Variants in ZNF534 observed in about 807,000 individuals in gnomAD.
The protein encoded by ZNF534 is KRAB domain only 3.
ZNF534 carries 19 observed loss-of-function variants against 13.6 expected under a neutral mutation model. The observed-to-expected ratio is 1.40, with a 90% CI of 0.97 to 2.05. The LOEUF is 2.05. ZNF534 is among the 30% of genes most tolerant of loss of function. The probability of loss-of-function intolerance (pLI) is 0.00; values close to 1 mark genes in which losing one functional copy is unlikely to be tolerated. For missense variants in ZNF534, 782 were observed against 796.3 expected, an observed-to-expected ratio of 0.98 and a Z score of 0.22; for synonymous variants, 244 against 273.8, an observed-to-expected ratio of 0.89 and a Z score of 1.07.
chr19:52,448,876 C>G (rs2059203167), intron 4 of ZNF534, among the ~76,000 whole-genome samples: 1 of 152,192 alleles, frequency 6.6e-6, no homozygotes, highest in Non-Finnish European at 1.5e-5. Context: ...GACCTTTCAA[C>G]TCTTCTAGCT....
rs1568444123 is a variant in ZNF534, at chr19:52,437,640, G to A, written c.272-92G>A. On this transcript the variant is annotated intron_variant, in intron 4 of 4. Coordinates refer to ENST00000433050, the MANE Select transcript of ZNF534 (RefSeq NM_001143938.3). ...AACAAAGTATGCTGATAATTTCAAT[G>A]TCTGAGTGAAGTGATGCAGAATCTT... 8.0e-6 allele frequency: 10 copies of A among 1,249,492 alleles called. No individual in the cohort carries two copies. In the East Asian group the frequency reaches 2.0e-4, roughly 25 times the overall value. 77.4% of individuals were successfully genotyped at this position (1,249,492 alleles called of 1,614,324 possible). A position where few individuals can be genotyped will look rare whatever the true frequency, so the allele number is the denominator to read the frequency against.
Position 52,433,673 on chromosome 19 carries a change from C to G in ZNF534, c.16-282C>G, listed in dbSNP as rs905770340. ...GAGCCGCCGTGCCCGGCAGTAATAC[C>G]TAACATTTCTATACAGATAACCCTG... On this transcript the variant is annotated intron_variant, in intron 2 of 4. Transcript: ENST00000433050. Among the ~76,000 whole-genome samples, 3 of 152,198 alleles carry G rather than the reference C, an allele frequency of 2.0e-5. 1 individual carries two copies. The East Asian group carries it at 5.8e-4, about 29-fold the overall frequency.
rs750191434 is a variant in ZNF534 at position 52,438,776 on chromosome 19, A to G, written c.1316A>G (p.Glu439Gly). 3.1e-6 allele frequency: 5 copies of G among 1,607,390 alleles called. No homozygotes were observed. In the African/African-American group the frequency reaches 6.7e-5, roughly 22 times the overall value. Residue 439 changes from glutamate (E) to glycine (G), a missense_variant, in exon 5 of 5, where the codon GAA (glutamate) becomes GGA (glycine). Physicochemically the swap from Glu to Gly is moderately conservative, Grantham distance 98. This residue lies in a region of ZNF534 where 591 missense variants were observed against 574.0 expected (regional missense o/e 1.03). Coordinates refer to ENST00000433050, the MANE Select transcript of ZNF534 (RefSeq NM_001143938.3). ...ATCCATACTGGAGAGAAACCTTACG[A>G]ATGTATAGACTGTGGCAAGGTCTTC... ...LLIHTGEKPY[E>G]CIDCGKVFRH...
At chr19:52,432,747 C>G (rs984830626) in intron 2 of ZNF534, among the ~76,000 whole-genome samples, 7 of 152,070 alleles carry the variant, frequency 4.6e-5, no homozygotes, top group Non-Finnish European at 1.0e-4. Flanking sequence ...ATTCTCCTGC[C>G]TCAGCCTCCT....
intron 2 of ZNF534, among the ~76,000 whole-genome samples, chr19:52,433,446 A>T (rs2059104126): frequency 6.6e-6 from 1 of 151,884 alleles, no homozygotes; most frequent in Non-Finnish European, 1.5e-5. Flanking sequence ...AGCTCACTGC[A>T]ATGTCCCACT....
At chr19:52,430,960 C>T (rs2059083342) in intron 1 of ZNF534, among the ~76,000 whole-genome samples, 1 of 152,098 alleles carries the variant, frequency 6.6e-6, no homozygotes, top group Non-Finnish European at 1.5e-5. Flanking sequence ...AAGGGATTCT[C>T]CTGCCTCAGC....
exon 5 of ZNF534, chr19:52,452,036 T>A: frequency 4.7e-6 from 1 of 212,264 alleles, no homozygotes. Context: ...TACACTTCTG[T>A]AAACTTACTA....
chr19:52,433,257 A>AAAAAAAAAAAAC (rs2059101592), intron 2 of ZNF534, among the ~76,000 whole-genome samples: 1 of 151,126 alleles, frequency 6.6e-6, no homozygotes, highest in African/African-American at 2.4e-5. Context: ...AAAAAAAAAA[A>AAAAAAAAAAAAC]AAAGAAAGAA....
chr19:52,438,490 C>T lies in ZNF534; in HGVS notation c.1030C>T (p.His344Tyr), dbSNP rs2059145443. The change falls in exon 5 of 5, where the codon CAT (histidine) becomes TAT (tyrosine). Residue 344 changes from histidine to tyrosine, a missense_variant. Physicochemically the swap from His to Tyr is moderately conservative, Grantham distance 83 (BLOSUM62 2). Coordinates refer to ENST00000433050, the MANE Select transcript of ZNF534 (RefSeq NM_001143938.3). ...CAGGCATAAGTCTTCCCTAACCACT[C>T]ATCAGACAGTTCATACTGGAGAGAG... ...VFRHKSSLTT[H>Y]QTVHTGERPY... The T allele has an allele frequency of 6.3e-7, 1 of 1,594,504 alleles. No homozygotes were observed. The highest frequency in any genetic ancestry group is 8.5e-7 in the Non-Finnish European group (1 of 1,169,788).
intron 3 of ZNF534, among the ~76,000 whole-genome samples, chr19:52,434,423 C>T (rs999511637): frequency 2.1e-5 from 3 of 144,336 alleles, no homozygotes; most frequent in African/African-American, 5.3e-5. Flanking sequence ...CAAGATCGCA[C>T]CACTGCACTC....
chr19:52,433,627 A>G (rs1034212439), intron 2 of ZNF534, among the ~76,000 whole-genome samples: 2 of 152,230 alleles, frequency 1.3e-5, no homozygotes, highest in Non-Finnish European at 2.9e-5. Flanking sequence ...TGGCCTCCCA[A>G]AATGCTGGGA....
At chr19:52,448,181 C>G (rs534481724) in intron 4 of ZNF534, among the ~76,000 whole-genome samples, 1 of 151,860 alleles carries the variant, frequency 6.6e-6, no homozygotes, top group Non-Finnish European at 1.5e-5. Context: ...TTTGGAAGGC[C>G]GAGGTGGGCT....
At chr19:52,451,445 C>T (rs1460192703) in exon 5 of ZNF534, 4 of 619,066 alleles carry the variant, frequency 6.5e-6, no homozygotes, top group East Asian at 6.0e-5. Flanking sequence ...GCGCCGCACG[C>T]CCCGGACGCT....
Position 52,442,178 on chromosome 19 carries a change from C to T in ZNF534, c.*2732C>T, listed in dbSNP as rs1258754111. ...TCCTAAAAGTGTTGGGAACAGGCCA[C>T]CAAAACTGGCCATAAACAAAATCTC... is the stretch of plus-strand genomic sequence containing the variant. On this transcript the variant is annotated 3_prime_UTR_variant, in exon 5 of 5. Transcript: ENST00000433050. 1.3e-5 allele frequency among the ~76,000 whole-genome samples: 2 copies of T among 152,170 alleles called. No individual in the cohort carries two copies. The highest frequency in any genetic ancestry group is 2.9e-5 in the Non-Finnish European group (2 of 68,026).
In ZNF534 at chr19:52,434,039, AG is replaced by A. The variant is rs1356600066; in HGVS notation, c.103del (p.Asp35ThrfsTer2). 6.2e-7 allele frequency: 1 copy of A among 1,614,036 alleles called. No individual in the cohort carries two copies. On this transcript the variant is annotated frameshift_variant, in exon 3 of 5. Transcript: ENST00000433050. LOFTEE classifies it high-confidence loss of function. ...GGACCCTGGGCAGAAAGCTTTATACAGGGACGTGATGTTAGAGAACTACAGG... is the reference window on the plus strand; with the variant it reads ...GGACCCTGGGCAGAAAGCTTTATACAGGACGTGATGTTAGAGAACTACAGG... The part of the protein sequence containing the change: ...CLDPGQKALY[R>X]DVMLENYRNL...
intron 4 of ZNF534, among the ~76,000 whole-genome samples, chr19:52,449,460 A>G (rs907167400): frequency 1.2e-4 from 19 of 152,128 alleles, no homozygotes; most frequent in African/African-American, 4.6e-4. Flanking sequence ...ACTATTTTCC[A>G]TAATGGCTAT....
At chr19:52,432,884 C>G (rs1052692463) in intron 2 of ZNF534, among the ~76,000 whole-genome samples, 2 of 152,034 alleles carry the variant, frequency 1.3e-5, no homozygotes, top group African/African-American at 2.4e-5. Context: ...CCTGCCTCGG[C>G]CTCCCAAAGT....
rs1449753062 is a variant in ZNF534, at chr19:52,438,800, TCAGG to T, written c.1343_1346del (p.Arg448ThrfsTer5). 1 of 1,610,452 alleles carries T rather than the reference TCAGG, an allele frequency of 6.2e-7. No homozygotes were observed. The highest frequency in any genetic ancestry group is 1.1e-5 in the South Asian group (1 of 90,578). ...GAATGTATAGACTGTGGCAAGGTCT[TCAGG>T]CACAAGTCTTCCCTAACCTATCACT... On this transcript the variant is annotated frameshift_variant, in exon 5 of 5. Transcript: ENST00000433050. LOFTEE classifies it low-confidence loss of function (END_TRUNC).
rs777553862 is a variant in ZNF534, at chr19:52,438,540, C to A, written c.1080C>A (p.Gly360=). ...GERPYKCNEC[G]KGFSRIAFLA... is the part of the protein sequence containing the mutation. ...GACCATACAAATGTAATGAATGTGG[C>A]AAGGGGTTTAGTCGAATTGCATTCC... is the stretch of plus-strand genomic sequence containing the variant. Residue 360 remains glycine (G), a synonymous_variant, in exon 5 of 5, where the codon GGC becomes GGA. Transcript: ENST00000433050. The A allele has an allele frequency of 1.1e-5, 17 of 1,581,956 alleles. No individual in the cohort carries two copies. Among genetic ancestry groups the A allele is most frequent in the Non-Finnish European group, 1.4e-5 (16 of 1,163,280 alleles).
Sources: allele counts gnomAD v4.1 joint callset (sites outside exome capture counted in the v4.1 genomes callset), GRCh38; gene constraint gnomAD v4.1.1; regional missense constraint gnomAD v4.1.1; transcripts MANE v1.5; gene names NCBI Gene and HGNC (gene_info 2026-07-23, HGNC 2026-07-21).